The following PHACTR1 variants were observed in gnomAD, a reference collection of about 807,000 sequenced individuals.
PHACTR1 encodes the protein phosphatase and actin regulator 1, also known as RPEL repeat containing 1.
A neutral mutation model predicts 69.2 loss-of-function variants in PHACTR1; 16 were observed. That is an observed-to-expected ratio of 0.23 (90% CI 0.16 to 0.35). The LOEUF is 0.35. PHACTR1 is among the 10% of genes least tolerant of loss of function. The pLI, the probability that PHACTR1 is intolerant of heterozygous loss-of-function variation, is 1.00. For synonymous variants in PHACTR1, 312 were observed against 284.5 expected (o/e 1.10, Z -0.97); for missense variants, 510 against 734.7 (o/e 0.69, Z 3.54).
chr6:13,243,572 T>C (rs73357163), intron 10 of PHACTR1, among the ~76,000 whole-genome samples: 8,492 of 151,980 alleles, frequency 0.056, 686 homozygotes, highest in African/African-American at 0.19. Context: ...GGAAACTCTT[T>C]AATGAGTTTC....
intron 5 of PHACTR1, among the ~76,000 whole-genome samples, chr6:13,083,448 G>T (rs1166630625): frequency 2.0e-5 from 3 of 151,992 alleles, no homozygotes; most frequent in Non-Finnish European, 4.4e-5. Flanking sequence ...GGTTCCATAT[G>T]AACTTTAAAG....
intron 4 of PHACTR1, among the ~76,000 whole-genome samples, chr6:12,842,746 C>T (rs1248315351): frequency 6.6e-6 from 1 of 151,994 alleles, no homozygotes; most frequent in African/African-American, 2.4e-5. Context: ...GGGTCTCACT[C>T]TGTTGCCAAG....
At position 13,036,656 on chromosome 6, in the gene PHACTR1, A is replaced by G. The variant is rs114980441; in HGVS notation, c.251-16709A>G. 1.3e-3 allele frequency among the ~76,000 whole-genome samples: 200 copies of G among 152,344 alleles called. 1 individual carries two copies. The highest frequency in any genetic ancestry group is 4.5e-3 in the African/African-American group (186 of 41,584). Reference sequence around the variant, plus strand: ...ACAACCAAGACAAATTTCTAAGGAAACGTGGTAGCCTCTAATCTTACCCTG... The same window carrying G: ...ACAACCAAGACAAATTTCTAAGGAAGCGTGGTAGCCTCTAATCTTACCCTG... On this transcript the variant is annotated intron_variant, in intron 4 of 14. Coordinates refer to ENST00000332995, the MANE Select transcript of PHACTR1 (RefSeq NM_030948.6).
At chr6:13,089,132 C>T (rs527653422) in intron 5 of PHACTR1, among the ~76,000 whole-genome samples, 103 of 152,284 alleles carry the variant, frequency 6.8e-4, no homozygotes, top group African/African-American at 2.4e-3. Flanking sequence ...AACAAGATTA[C>T]AAACACAGTC....
At chr6:13,101,202 T>C (rs569335031) in intron 5 of PHACTR1, among the ~76,000 whole-genome samples, 8 of 152,328 alleles carry the variant, frequency 5.3e-5, no homozygotes, top group African/African-American at 1.7e-4. Flanking sequence ...CTTGATGCTG[T>C]GTCAGCCCAT....
At chr6:12,971,459 T>C (rs1033482558) in intron 4 of PHACTR1, among the ~76,000 whole-genome samples, 1 of 152,174 alleles carries the variant, frequency 6.6e-6, no homozygotes, top group African/African-American at 2.4e-5. Flanking sequence ...GTCCTATCAC[T>C]GAGGGATGGG....
chr6:12,886,053 C>T (rs1000691615), intron 4 of PHACTR1, among the ~76,000 whole-genome samples: 1 of 152,156 alleles, frequency 6.6e-6, no homozygotes, highest in Non-Finnish European at 1.5e-5. Flanking sequence ...TGAGATCACA[C>T]CATTCCACTC....
At position 13,024,606 on chromosome 6, in the gene PHACTR1, C is replaced by G. The variant is rs148254496; in HGVS notation, c.251-28759C>G. ...TCATCCTCAAAATGATACAGTGAAC[C>G]TTTTTTGCCTGCCCAAAGCCTTAAT... On this transcript the variant is annotated intron_variant, in intron 4 of 14. Transcript: ENST00000332995. Among the ~76,000 whole-genome samples the G allele has an allele frequency of 6.2e-3, 937 of 152,242 alleles. 6 individuals carry two copies. The highest frequency in any genetic ancestry group is 0.022 in the African/African-American group (903 of 41,538).
chr6:12,838,207 G>T (rs1324464173), intron 4 of PHACTR1, among the ~76,000 whole-genome samples: 2 of 152,220 alleles, frequency 1.3e-5, no homozygotes, highest in African/African-American at 2.4e-5. Flanking sequence ...GTAAAAACAA[G>T]TCACAGTTCC....
rs1761960231 is a variant in PHACTR1 at position 13,179,818 on chromosome 6, T to TA, written c.497-2701_497-2700insA. Among the ~76,000 whole-genome samples the TA allele has an allele frequency of 6.6e-6, 1 of 152,220 alleles. No individual in the cohort carries two copies. The highest frequency in any genetic ancestry group is 6.5e-5 in the Admixed American group (1 of 15,288). ...CTAAAATATGTGTATGGTCTGTACA[T>TA]TTCTTCTAATTGTGTAAATTGGAAA... On this transcript the variant is annotated intron_variant, in intron 6 of 14. Coordinates refer to ENST00000332995, the MANE Select transcript of PHACTR1 (RefSeq NM_030948.6). The surrounding 1 kb of genome is among the most constrained non-coding windows in gnomAD (Gnocchi z 4.2).
chr6:12,851,159 T>C (rs1779788520), intron 4 of PHACTR1, among the ~76,000 whole-genome samples: 1 of 152,192 alleles, frequency 6.6e-6, no homozygotes, highest in African/African-American at 2.4e-5. Flanking sequence ...GCAATAGATT[T>C]AGAAAATCGG....
At chr6:12,871,406 C>G (rs991860372) in intron 4 of PHACTR1, among the ~76,000 whole-genome samples, 2 of 152,146 alleles carry the variant, frequency 1.3e-5, no homozygotes, top group African/African-American at 4.8e-5. Flanking sequence ...AAAAGAGATG[C>G]TCACATTGCG....
chr6:12,931,325 C>T (rs1788847692), intron 4 of PHACTR1, among the ~76,000 whole-genome samples: 1 of 152,122 alleles, frequency 6.6e-6, no homozygotes. Flanking sequence ...GGTTCATCTC[C>T]TTTTAGCCTA....
intron 3 of PHACTR1, 36 bp downstream of exon 3, chr6:12,718,883 C>A (rs1761742983): frequency 1.5e-6 from 2 of 1,368,060 alleles, no homozygotes; most frequent in South Asian, 1.3e-5. Context: ...CTCTTATTTG[C>A]ACGTCGGTTT....
intron 3 of PHACTR1, among the ~76,000 whole-genome samples, chr6:12,728,592 C>G (rs572206599): frequency 6.6e-6 from 1 of 152,208 alleles, no homozygotes; most frequent in South Asian, 2.1e-4. Context: ...CTCTCTCTGC[C>G]TCACCTTTCC....
intron 4 of PHACTR1, among the ~76,000 whole-genome samples, chr6:12,928,298 A>G (rs1348467154): frequency 6.6e-6 from 1 of 152,164 alleles, no homozygotes; most frequent in Non-Finnish European, 1.5e-5. Flanking sequence ...TGTGTGTTAG[A>G]AGCCACGGTT....
intron 6 of PHACTR1, among the ~76,000 whole-genome samples, chr6:13,164,281 C>T (rs767888241): frequency 1.3e-5 from 2 of 152,162 alleles, no homozygotes; most frequent in African/African-American, 2.4e-5. Context: ...ACCTGATGAA[C>T]GGCAAATGGC....
intron 7 of PHACTR1, among the ~76,000 whole-genome samples, chr6:13,203,309 C>T (rs980554156): frequency 1.3e-5 from 2 of 152,148 alleles, no homozygotes; most frequent in African/African-American, 2.4e-5. Context: ...CACTCTTCTC[C>T]GGGAGAGGAG....
At position 12,800,977 on chromosome 6, in the gene PHACTR1, G is replaced by T. The variant is rs185873896; in HGVS notation, c.250+51187G>T. ...TGGTGAATTATGCCAATACATTTTTGAGTTTAATAATTTTTTAAATAACAT... is the reference window on the plus strand; with the variant it reads ...TGGTGAATTATGCCAATACATTTTTTAGTTTAATAATTTTTTAAATAACAT... On this transcript the variant is annotated intron_variant, in intron 4 of 14. Transcript: ENST00000332995. Among the ~76,000 whole-genome samples the T allele has an allele frequency of 3.2e-3, 485 of 152,176 alleles. 3 individuals carry two copies. The highest frequency in any genetic ancestry group is 4.3e-3 in the Non-Finnish European group (289 of 67,998).
Sources: allele counts gnomAD v4.1 joint callset (sites outside exome capture counted in the v4.1 genomes callset), GRCh38; gene constraint gnomAD v4.1.1; non-coding constraint Gnocchi (gnomAD v3.1); transcripts MANE v1.5; gene names NCBI Gene and HGNC (gene_info 2026-07-23, HGNC 2026-07-21).